The following MYO5C variants were observed in gnomAD, a reference collection of about 807,000 sequenced individuals.
The protein encoded by MYO5C is unconventional myosin-Vc.
A neutral mutation model predicts 235.7 loss-of-function variants in MYO5C; 194 were observed. That is an observed-to-expected ratio of 0.82 (90% CI 0.73 to 0.93). The LOEUF (loss-of-function observed/expected upper bound fraction) is 0.93. Among genes scored for constraint, MYO5C ranks in the 40% least tolerant of loss-of-function variants. The pLI is 0.00. For synonymous variants in MYO5C, 707 were observed against 754.8 expected, an observed-to-expected ratio of 0.94 and a Z score of 1.04; for missense variants, 2,038 against 2,127.2, an observed-to-expected ratio of 0.96 and a Z score of 0.82.
intron 10 of MYO5C, 136 bp from the exon 11 acceptor site, chr15:52,256,856 T>C (rs1285869868): frequency 4.7e-6 from 3 of 635,526 alleles, no homozygotes; most frequent in Non-Finnish European, 8.2e-6. Context: ...TCAAAGCTTC[T>C]GGTTTTAATG....
chr15:52,193,827 A>G lies in MYO5C; in HGVS notation c.*75T>C. 6.7e-7 allele frequency: 1 copy of G among 1,488,098 alleles called. No homozygotes were observed. The highest frequency in any genetic ancestry group is 1.2e-5 in the South Asian group (1 of 80,370). 92.2% of individuals were successfully genotyped at this position (1,488,098 alleles called of 1,614,324 possible). ...AAATCACATTCCAATTTCCACTGCC[A>G]ATTAATAAAACACATCCCTCATATT... On this transcript the variant is annotated 3_prime_UTR_variant, in exon 41 of 41. Coordinates refer to ENST00000261839, the MANE Select transcript of MYO5C (RefSeq NM_018728.4).
chr15:52,202,763 A>G (rs2141263225), intron 38 of MYO5C, among the ~76,000 whole-genome samples: 1 of 152,234 alleles, frequency 6.6e-6, no homozygotes, highest in African/African-American at 2.4e-5. Flanking sequence ...ATTTGTGGGA[A>G]TGGTCTATGG....
In MYO5C at chr15:52,218,549, C is replaced by G. The variant is rs1341822589; in HGVS notation, c.3924G>C (p.Gln1308His). The G allele has an allele frequency of 1.2e-6, 2 of 1,614,250 alleles. No individual in the cohort carries two copies. Among genetic ancestry groups the G allele is most frequent in the African/African-American group, 2.7e-5 (2 of 75,072 alleles). ...TESEVKCNFR[Q>H]EASRLTLENR... ...TTTCCAAAGTGAGCCGGGATGCTTCCTGCCGGAAGTTACACTTGACTTCAC... is the reference window on the plus strand; with the variant it reads ...TTTCCAAAGTGAGCCGGGATGCTTCGTGCCGGAAGTTACACTTGACTTCAC... Residue 1308 changes from glutamine to histidine, a missense_variant, in exon 32 of 41, where the codon CAG becomes CAC. Gln to His is a conservative substitution (Grantham distance 24, BLOSUM62 0). Coordinates refer to ENST00000261839, the MANE Select transcript of MYO5C (RefSeq NM_018728.4).
intron 6 of MYO5C, 129 bp from the exon 7 acceptor site, chr15:52,271,973 A>G (rs2036935116): frequency 4.0e-6 from 2 of 503,282 alleles, no homozygotes; most frequent in African/African-American, 3.9e-5. Flanking sequence ...TGATCTGGCC[A>G]GTTCACAAGC....
chr15:52,279,417 T>G, intron 3 of MYO5C, 92 bp downstream of exon 3: 2 of 1,319,444 alleles, frequency 1.5e-6, no homozygotes, highest in Non-Finnish European at 2.1e-6. Context: ...AAACTCTGGG[T>G]GCTCAGTATA....
At chr15:52,210,285 G>T (rs2035417238) in intron 35 of MYO5C, among the ~76,000 whole-genome samples, 1 of 152,038 alleles carries the variant, frequency 6.6e-6, no homozygotes, top group African/African-American at 2.4e-5. Flanking sequence ...ATTTAAAATA[G>T]AATTTAATTC....
In MYO5C at chr15:52,193,998, G is replaced by A; in HGVS notation, c.5133C>T (p.Leu1711=). The part of the protein sequence containing the change: ...SSQLMLDTKY[L]FQVTFPFTPS... ...GGGTAAAAGGAAATGTGACTTGAAA[G>A]AGATATTTGGTATCCAACATCAGCT... Residue 1711 remains leucine (L), a synonymous_variant, in exon 41 of 41, where the codon CTC becomes CTT. Coordinates refer to ENST00000261839, the MANE Select transcript of MYO5C (RefSeq NM_018728.4). 6.2e-7 allele frequency: 1 copy of A among 1,613,804 alleles called. No homozygotes were observed. Among genetic ancestry groups the A allele is most frequent in the Admixed American group, 1.7e-5 (1 of 59,948 alleles).
intron 11 of MYO5C, 54 bp downstream of exon 11, chr15:52,256,585 A>ACGCGCG (rs767638097): frequency 1.2e-3 from 1,030 of 865,024 alleles, no homozygotes; most frequent in African/African-American, 3.7e-3. Flanking sequence ...ACACACACAC[A>ACGCGCG]CACGCGCGCG....
chr15:52,272,928 G>C (rs2036957782), intron 5 of MYO5C, among the ~76,000 whole-genome samples: 1 of 152,208 alleles, frequency 6.6e-6, no homozygotes, highest in African/African-American at 2.4e-5. Context: ...GTTCTCCTTG[G>C]TCCCACTGGC....
intron 1 of MYO5C, among the ~76,000 whole-genome samples, chr15:52,283,320 C>T (rs772836477): frequency 5.3e-5 from 8 of 152,216 alleles, no homozygotes; most frequent in Admixed American, 3.3e-4. Flanking sequence ...TTCACCAGTT[C>T]CCTGGGAGGT....
Position 52,264,235 on chromosome 15 carries a change from G to T in MYO5C, c.1002C>A (p.Gly334=). ...TGCCCACCGCGGTGATCTGCACATT[G>T]CCCAGATGTAGGATGGCTGCCAGGA... ...FKILAAILHL[G]NVQITAVGNE... The change falls in exon 9 of 41, where the codon GGC becomes GGA. Residue 334 remains glycine, a synonymous_variant. Coordinates refer to ENST00000261839, the MANE Select transcript of MYO5C (RefSeq NM_018728.4). The T allele has an allele frequency of 6.2e-7, 1 of 1,614,132 alleles. No homozygotes were observed. The highest frequency in any genetic ancestry group is 8.5e-7 in the Non-Finnish European group (1 of 1,179,982).
At chr15:52,284,125 C>T (rs1381873857) in intron 1 of MYO5C, among the ~76,000 whole-genome samples, 1 of 151,208 alleles carries the variant, frequency 6.6e-6, no homozygotes, top group East Asian at 1.9e-4. Flanking sequence ...AAGAATGGTA[C>T]ATAAATTCTG....
intron 5 of MYO5C, among the ~76,000 whole-genome samples, chr15:52,274,675 C>CCA (rs1555420137): frequency 6.7e-6 from 1 of 148,162 alleles, no homozygotes; most frequent in East Asian, 2.4e-4. Flanking sequence ...TTAGTACCCC[C>CCA]CCCCCGACAT....
At chr15:52,194,163 C>CA (rs1265136646) in intron 40 of MYO5C, 109 bp from the exon 41 acceptor site, 12 of 999,934 alleles carry the variant, frequency 1.2e-5, no homozygotes, top group Non-Finnish European at 1.5e-5. Flanking sequence ...GAGCTCCTTG[C>CA]ACCATCACAT....
At chr15:52,199,322 A>G (rs1478135449) in intron 38 of MYO5C, among the ~76,000 whole-genome samples, 3 of 152,176 alleles carry the variant, frequency 2.0e-5, no homozygotes, top group Non-Finnish European at 4.4e-5. Flanking sequence ...TCCCACTCAA[A>G]GATGTGTGGT....
chr15:52,204,782 AG>A, intron 38 of MYO5C, 82 bp downstream of exon 38: 1 of 1,483,762 alleles, frequency 6.7e-7, no homozygotes, highest in Non-Finnish European at 9.0e-7. Flanking sequence ...CACAGCAGGG[AG>A]GGTCAGGCGC....
intron 23 of MYO5C, among the ~76,000 whole-genome samples, chr15:52,234,591 T>G (rs2036035975): frequency 6.6e-6 from 1 of 152,216 alleles, no homozygotes; most frequent in Non-Finnish European, 1.5e-5. Context: ...CTCCCGGACC[T>G]CTGACATGCT....
At chr15:52,248,291 G>A (rs1459429136) in intron 14 of MYO5C, among the ~76,000 whole-genome samples, 2 of 152,026 alleles carry the variant, frequency 1.3e-5, no homozygotes, top group Non-Finnish European at 1.5e-5. Context: ...CTACAGGCAT[G>A]TCACCATTCC....
chr15:52,192,326 G>GGTCATT lies in MYO5C; in HGVS notation c.*1575_*1576insAATGAC, dbSNP rs2034943864. On this transcript the variant is annotated 3_prime_UTR_variant, in exon 41 of 41. Coordinates refer to ENST00000261839, the MANE Select transcript of MYO5C (RefSeq NM_018728.4). ...GAAAGAATCTGACCCAATTCATTTG[G>GGTCATT]TAATTAATTTTATTGATTAAAGTAT... 6.6e-6 allele frequency: 1 copy of GGTCATT among 152,090 alleles called. No homozygotes were observed. The highest frequency in any genetic ancestry group is 1.5e-5 in the Non-Finnish European group (1 of 68,016). 9.4% of individuals were successfully genotyped at this position (152,090 alleles called of 1,614,324 possible).
Sources: gnomAD v4.1 joint callset for allele counts (sites outside exome capture counted in the v4.1 genomes callset) on GRCh38, gnomAD v4.1.1 for gene constraint, MANE v1.5 for transcripts, NCBI Gene and HGNC (gene_info 2026-07-23, HGNC 2026-07-21) for gene names.